Variants in NLRP1 observed in about 807,000 individuals in gnomAD.
NLRP1 encodes the protein NLR family pyrin domain containing 1, also known as NACHT, LRR and PYD domains-containing protein 1.
NLRP1 carries 94 observed loss-of-function variants against 136.7 expected under a neutral mutation model. The ratio of observed to expected loss-of-function variants is 0.69; its 90% CI spans 0.58 to 0.82. NLRP1 has a LOEUF of 0.82. Among genes scored for constraint, NLRP1 ranks in the 40% least tolerant of loss-of-function variants. The pLI, the probability that NLRP1 is intolerant of heterozygous loss-of-function variation, is 0.00. For missense variants in NLRP1, 1,575 were observed against 1,802.7 expected, an observed-to-expected ratio of 0.87 and a Z score of 2.29; for synonymous variants, 690 against 725.1, an observed-to-expected ratio of 0.95 and a Z score of 0.78.
intron 12 of NLRP1, among the ~76,000 whole-genome samples, chr17:5,523,557 C>A (rs544972221): frequency 9.2e-5 from 14 of 152,286 alleles, no homozygotes; most frequent in African/African-American, 3.4e-4. Flanking sequence ...CTTAAATCAG[C>A]CAGAATTGGT....
chr17:5,557,532 A>G (rs1914227750), intron 4 of NLRP1, among the ~76,000 whole-genome samples: 1 of 152,050 alleles, frequency 6.6e-6, no homozygotes, highest in East Asian at 1.9e-4. Flanking sequence ...CTTCTCCCCT[A>G]TTTTTTGAGC....
At chr17:5,580,863 TTC>T (rs1242993093) in intron 3 of NLRP1, among the ~76,000 whole-genome samples, 17 of 152,356 alleles carry the variant, frequency 1.1e-4, no homozygotes, top group African/African-American at 2.6e-4. Flanking sequence ...TTTCTTGACT[TTC>T]TGTTTTCCTT....
chr17:5,515,329 C>T (rs925996340), intron 16 of NLRP1, 144 bp downstream of exon 16: 12 of 773,700 alleles, frequency 1.6e-5, no homozygotes, highest in East Asian at 5.3e-5. Flanking sequence ...GTATGGGGAG[C>T]GACCATGCAC....
chr17:5,563,236 G>A (rs1312397751), intron 3 of NLRP1, among the ~76,000 whole-genome samples: 1 of 152,218 alleles, frequency 6.6e-6, no homozygotes, highest in Admixed American at 6.5e-5. Flanking sequence ...ATCTCCAGAT[G>A]TGTGCACTAG....
In NLRP1 at chr17:5,521,802, T is replaced by C; in HGVS notation, c.3521-16A>G. The stretch of plus-strand genomic sequence containing the variant: ...ACATGGCCCCCTGTAAAAGAATGGA[T>C]TGAAGAGGCACAGGTTTATTTTTAT... On this transcript the variant is annotated splice_polypyrimidine_tract_variant and intron_variant, in intron 12 of 16. Transcript: ENST00000572272. 6.4e-7 allele frequency: 1 copy of C among 1,573,544 alleles called. No homozygotes were observed. Among genetic ancestry groups the C allele is most frequent in the Non-Finnish European group, 8.6e-7 (1 of 1,161,296 alleles).
At chr17:5,544,635 TAC>T (rs1219958456) in intron 5 of NLRP1, among the ~76,000 whole-genome samples, 1 of 152,128 alleles carries the variant, frequency 6.6e-6, no homozygotes, top group Non-Finnish European at 1.5e-5. Flanking sequence ...GCAAATAAAA[TAC>T]ACTGTGATAG....
In NLRP1 at chr17:5,514,540, A is replaced by G; in HGVS notation, c.*214T>C. On this transcript the variant is annotated 3_prime_UTR_variant, in exon 17 of 17. Coordinates refer to ENST00000572272, the MANE Select transcript of NLRP1 (RefSeq NM_033004.4). The stretch of plus-strand genomic sequence containing the variant: ...GGGGTCTTGCCAGCTCCAGATGGAC[A>G]TTCCCTGAGATGCTGTTAGGCCACC... 1 of 1,417,992 alleles carries G rather than the reference A, an allele frequency of 7.1e-7. No homozygotes were observed. Among genetic ancestry groups the G allele is most frequent in the South Asian group, 1.5e-5 (1 of 65,702 alleles). 87.8% of individuals were successfully genotyped at this position (1,417,992 alleles called of 1,614,324 possible).
chr17:5,549,900 A>G (rs556217201), intron 5 of NLRP1, among the ~76,000 whole-genome samples: 1 of 152,284 alleles, frequency 6.6e-6, no homozygotes, highest in Admixed American at 6.5e-5. Context: ...AGTGTTTCCA[A>G]TGTGAAAAGG....
chr17:5,575,603 G>A (rs1904932059), intron 3 of NLRP1, among the ~76,000 whole-genome samples: 1 of 152,086 alleles, frequency 6.6e-6, no homozygotes, highest in Non-Finnish European at 1.5e-5. Flanking sequence ...ACCCAATACA[G>A]GATCACCCAG....
At chr17:5,548,350 G>A (rs1461356209) in intron 5 of NLRP1, among the ~76,000 whole-genome samples, 1 of 152,094 alleles carries the variant, frequency 6.6e-6, no homozygotes, top group South Asian at 2.1e-4. Flanking sequence ...TTACAGTAAA[G>A]GAGACATTTC....
At chr17:5,569,703 C>T (rs1915673667) in intron 3 of NLRP1, among the ~76,000 whole-genome samples, 1 of 152,074 alleles carries the variant, frequency 6.6e-6, no homozygotes. Context: ...CAGTATTGAA[C>T]AGATCATCAA....
At chr17:5,566,938 T>C (rs1443828817) in intron 3 of NLRP1, among the ~76,000 whole-genome samples, 1 of 152,144 alleles carries the variant, frequency 6.6e-6, no homozygotes, top group African/African-American at 2.4e-5. Context: ...TCTCTTTGTA[T>C]AGTTTTTGTT....
At chr17:5,582,185 T>C in intron 2 of NLRP1, 123 bp from the exon 3 acceptor site, 1 of 847,988 alleles carries the variant, frequency 1.2e-6, no homozygotes, top group Non-Finnish European at 1.8e-6. Context: ...TTGAAAACCA[T>C]GTTGAAGTAG....
chr17:5,511,769 TTCTC>T (rs1597388340), downstream of NLRP1, among the ~76,000 whole-genome samples: 1 of 142,386 alleles, frequency 7.0e-6, no homozygotes. Flanking sequence ...TTCTTTCTCT[TTCTC>T]TTTCTTCTTT....
In NLRP1 at chr17:5,515,343, T is replaced by C. The variant is rs1907951927; in HGVS notation, c.4102+130A>G. The stretch of plus-strand genomic sequence containing the variant: ...GGTATGGGGAGCGACCATGCACCGC[T>C]CTCCAGGGCCTGACTCTTTGTGAGG... On this transcript the variant is annotated intron_variant, in intron 16 of 16. Transcript: ENST00000572272. 29 of 845,562 alleles carry C rather than the reference T, an allele frequency of 3.4e-5. No individual in the cohort carries two copies. In the South Asian group the frequency reaches 4.2e-4, roughly 12 times the overall value. 52.4% of individuals were successfully genotyped at this position (845,562 alleles called of 1,614,324 possible). A position where few individuals can be genotyped will look rare whatever the true frequency, so the allele number is the denominator to read the frequency against.
chr17:5,514,674 G>C lies in NLRP1; in HGVS notation c.*80C>G. 6 of 1,569,698 alleles carry C rather than the reference G, an allele frequency of 3.8e-6. No homozygotes were observed. Among genetic ancestry groups the C allele is most frequent in the Non-Finnish European group, 5.2e-6 (6 of 1,157,078 alleles). Reference sequence around the variant, plus strand: ...TGGAAGGCAAACCAGATGGCAACTTGTTTGCAGAGAAAGAAACTGAGACCC... The same window carrying C: ...TGGAAGGCAAACCAGATGGCAACTTCTTTGCAGAGAAAGAAACTGAGACCC... On this transcript the variant is annotated 3_prime_UTR_variant, in exon 17 of 17. Coordinates refer to ENST00000572272, the MANE Select transcript of NLRP1 (RefSeq NM_033004.4).
At chr17:5,506,662 C>T (rs1416737430) in intron 15 of NLRP1, among the ~76,000 whole-genome samples, 4 of 150,414 alleles carry the variant, frequency 2.7e-5, no homozygotes, top group Admixed American at 6.6e-5. Context: ...GAAGCCGAGG[C>T]GGGAGGATCA....
At chr17:5,548,267 G>A (rs951623280) in intron 5 of NLRP1, among the ~76,000 whole-genome samples, 1 of 152,182 alleles carries the variant, frequency 6.6e-6, no homozygotes, top group Non-Finnish European at 1.5e-5. Flanking sequence ...GCCATCAGAT[G>A]GGAACCTCTC....
Position 5,583,663 on chromosome 17 carries a change from C to A in NLRP1, c.271+24G>T, listed in dbSNP as rs1297558698. On this transcript the variant is annotated intron_variant, in intron 1 of 16. Transcript: ENST00000572272. The surrounding 1 kb of genome is among the most constrained non-coding windows in gnomAD (Gnocchi z 4.5). ...TGAGGGCCAGGGGATGTCCCGCGGG[C>A]AGTGGGGTCCTCTGTCCACTCACCT... The A allele has an allele frequency of 6.5e-7, 1 of 1,545,532 alleles. No individual in the cohort carries two copies. Among genetic ancestry groups the A allele is most frequent in the Non-Finnish European group, 8.7e-7 (1 of 1,143,908 alleles).
Sources: gnomAD v4.1 joint callset for allele counts (sites outside exome capture counted in the v4.1 genomes callset) on GRCh38, gnomAD v4.1.1 for gene constraint, Gnocchi (gnomAD v3.1) non-coding constraint, MANE v1.5 for transcripts, NCBI Gene and HGNC (gene_info 2026-07-23, HGNC 2026-07-21) for gene names.